The following TTC7A variants were observed in gnomAD, a reference collection of about 807,000 sequenced individuals.
The protein encoded by TTC7A is tetratricopeptide repeat domain 7A.
Under a neutral mutation model 103.7 loss-of-function variants are expected in TTC7A, and 110 were observed. That is an observed-to-expected ratio of 1.06 (90% CI 0.91 to 1.24). The LOEUF is 1.24. Ranked by LOEUF, TTC7A falls within the 50% of genes most tolerant of loss-of-function variation. TTC7A has a pLI of 0.00. For synonymous variants in TTC7A, 521 were observed against 467.9 expected, an observed-to-expected ratio of 1.11 and a Z score of -1.47; for missense variants, 1,340 against 1,116.3, an observed-to-expected ratio of 1.20 and a Z score of -2.86.
intron 15 of TTC7A, among the ~76,000 whole-genome samples, chr2:47,038,271 AAAAG>A (rs1478234734): frequency 5.3e-5 from 8 of 151,528 alleles, no homozygotes; most frequent in East Asian, 1.9e-4. Flanking sequence ...AAAAAAAAAA[AAAAG>A]AAAGAAAAAA....
In TTC7A at chr2:47,011,316, TC is replaced by T; in HGVS notation, c.1288-14del. 1.2e-6 allele frequency: 2 copies of T among 1,611,332 alleles called. No homozygotes were observed. The highest frequency in any genetic ancestry group is 1.7e-6 in the Non-Finnish European group (2 of 1,178,378). On this transcript the variant is annotated splice_polypyrimidine_tract_variant and intron_variant, in intron 10 of 19. Coordinates refer to ENST00000319190, the MANE Select transcript of TTC7A (RefSeq NM_020458.4). ...GACTGTGAGTGACAGTGTTTCCTGC[TC>T]TTTTTTTCTGCAGTCAGCCTACGCT...
chr2:46,994,600 A>G (rs1212293509), intron 7 of TTC7A, 86 bp downstream of exon 7: 12 of 1,395,552 alleles, frequency 8.6e-6, no homozygotes, highest in African/African-American at 4.3e-5. Context: ...TCTTTGCCCC[A>G]TGCTCTCCTC....
intron 19 of TTC7A, among the ~76,000 whole-genome samples, chr2:47,070,308 C>T (rs554031035): frequency 1.2e-4 from 19 of 152,384 alleles, no homozygotes; most frequent in African/African-American, 4.3e-4. Flanking sequence ...CCTAGCAAGA[C>T]CTTAGGCCCC....
In TTC7A at chr2:47,012,013, T is replaced by C. The variant is rs555638244; in HGVS notation, c.1392+578T>C. Among the ~76,000 whole-genome samples the C allele has an allele frequency of 3.3e-5, 5 of 152,342 alleles. No homozygotes were observed. The South Asian group carries it at 1.0e-3, about 32-fold the overall frequency. On this transcript the variant is annotated intron_variant, in intron 11 of 19. Transcript: ENST00000319190. ...TCTGCTCTTTCCCCAGTTCGAGGCC[T>C]TTAACCCCCCAGTTGGGGGTTGCAG...
chr2:47,024,498 T>A, intron 14 of TTC7A, 139 bp downstream of exon 14: 2 of 709,396 alleles, frequency 2.8e-6, no homozygotes, highest in Non-Finnish European at 4.5e-6. Context: ...ATGTAAGTCC[T>A]TTGAGCCCTC....
At chr2:47,061,098 T>A in intron 19 of TTC7A, 127 bp downstream of exon 19, 2 of 1,011,482 alleles carry the variant, frequency 2.0e-6, no homozygotes, top group Non-Finnish European at 2.8e-6. Flanking sequence ...TTCCCTGGTG[T>A]CTAGGGGAGG....
intron 1 of TTC7A, chr2:46,917,155 A>G (rs1347302364): frequency 1.4e-6 from 1 of 700,128 alleles, no homozygotes; most frequent in South Asian, 1.5e-5. Flanking sequence ...AAATCCCATA[A>G]TCCCTAATTT....
At chr2:47,001,018 G>C (rs6761800) in intron 8 of TTC7A, among the ~76,000 whole-genome samples, 1 of 151,902 alleles carries the variant, frequency 6.6e-6, no homozygotes, top group Non-Finnish European at 1.5e-5. Context: ...CAGAATGTCT[G>C]GGCTCTAATT....
intron 14 of TTC7A, among the ~76,000 whole-genome samples, chr2:47,025,086 G>C (rs560139554): frequency 4.0e-4 from 61 of 152,338 alleles, no homozygotes; most frequent in African/African-American, 1.4e-3. Flanking sequence ...GGGGATTGCA[G>C]ACAAGCCTTT....
intron 5 of TTC7A, among the ~76,000 whole-genome samples, chr2:46,988,381 T>G (rs1438870986): frequency 6.6e-6 from 1 of 152,214 alleles, no homozygotes; most frequent in Non-Finnish European, 1.5e-5. Flanking sequence ...TCACCTGACC[T>G]TGTCCCCTGA....
intron 18 of TTC7A, among the ~76,000 whole-genome samples, chr2:47,055,699 A>C (rs1410305719): frequency 2.0e-5 from 3 of 151,980 alleles, no homozygotes; most frequent in African/African-American, 7.3e-5. Flanking sequence ...GGCTTTCTCC[A>C]GGTTTAGGGG....
Position 46,950,423 on chromosome 2 carries a change from A to G in TTC7A, c.245A>G (p.His82Arg). Reference sequence around the variant, plus strand: ...CTGGAGCAGTGTTTGAAGGAGAACCATGCCAAAATAAAAGACTCCATGCCT... The same window carrying G: ...CTGGAGCAGTGTTTGAAGGAGAACCGTGCCAAAATAAAAGACTCCATGCCT... ...ALLEQCLKEN[H>R]AKIKDSMPLL... The change falls in exon 2 of 20, where the codon CAT (histidine) becomes CGT (arginine). Residue 82 changes from histidine (H) to arginine (R), a missense_variant. Coordinates refer to ENST00000319190, the MANE Select transcript of TTC7A (RefSeq NM_020458.4). 10 of 1,614,184 alleles carry G rather than the reference A, an allele frequency of 6.2e-6. No homozygotes were observed. The highest frequency in any genetic ancestry group is 8.5e-6 in the Non-Finnish European group (10 of 1,180,038).
At chr2:46,955,692 C>T (rs902690863) in intron 2 of TTC7A, among the ~76,000 whole-genome samples, 1 of 152,222 alleles carries the variant, frequency 6.6e-6, no homozygotes, top group African/African-American at 2.4e-5. Flanking sequence ...CGCTTCATTT[C>T]TCTTGGCTTC....
At chr2:46,960,888 C>G (rs963179742) in intron 3 of TTC7A, among the ~76,000 whole-genome samples, 2 of 152,248 alleles carry the variant, frequency 1.3e-5, no homozygotes, top group African/African-American at 4.8e-5. Flanking sequence ...CTCTCTGGGC[C>G]TCCTTCAGCC....
At chr2:46,946,534 C>T (rs1670952505) in intron 1 of TTC7A, among the ~76,000 whole-genome samples, 1 of 152,176 alleles carries the variant, frequency 6.6e-6, no homozygotes, top group African/African-American at 2.4e-5. Flanking sequence ...AGCCATCCTT[C>T]CACCTCAGCC....
At chr2:46,961,398 A>G (rs1313888982) in intron 3 of TTC7A, among the ~76,000 whole-genome samples, 1 of 151,982 alleles carries the variant, frequency 6.6e-6, no homozygotes, top group African/African-American at 2.4e-5. Context: ...AATGCAGGTG[A>G]AACCCTATCT....
At chr2:46,920,972 A>T (rs1311869810) in intron 2 of TTC7A, among the ~76,000 whole-genome samples, 1 of 145,468 alleles carries the variant, frequency 6.9e-6, no homozygotes, top group East Asian at 1.9e-4. Flanking sequence ...CCTATTCATG[A>T]TAAAAAAAAA....
chr2:46,995,115 C>A (rs748396292), intron 7 of TTC7A, 21 bp from the exon 8 acceptor site: 1 of 1,613,764 alleles, frequency 6.2e-7, no homozygotes, highest in Non-Finnish European at 8.5e-7. Context: ...TCTAGCCAGG[C>A]CTGTCATTGG....
In TTC7A at chr2:46,978,888, G is replaced by T. The variant is rs1244123250; in HGVS notation, c.745G>T (p.Val249Leu). Residue 249 changes from valine (V) to leucine (L), a missense_variant, in exon 5 of 20, where the codon GTG (valine) becomes TTG (leucine). By Grantham distance (32) the Val-to-Leu change is conservative. Coordinates refer to ENST00000319190, the MANE Select transcript of TTC7A (RefSeq NM_020458.4). The part of the protein sequence containing the change: ...FLEAALQSAY[V>L]KNLKKGNIVK... Reference sequence around the variant, plus strand: ...GGAAGCTGCCCTCCAGAGCGCCTATGTGAAAAACCTGAAGAAGGGGTAGGT... The same window carrying T: ...GGAAGCTGCCCTCCAGAGCGCCTATTTGAAAAACCTGAAGAAGGGGTAGGT... 1.2e-6 allele frequency: 2 copies of T among 1,614,038 alleles called. No individual in the cohort carries two copies. Among genetic ancestry groups the T allele is most frequent in the Admixed American group, 1.7e-5 (1 of 60,016 alleles).
Sources: allele counts gnomAD v4.1 joint callset (sites outside exome capture counted in the v4.1 genomes callset), GRCh38; gene constraint gnomAD v4.1.1; transcripts MANE v1.5; gene names NCBI Gene and HGNC (gene_info 2026-07-23, HGNC 2026-07-21).